Variants in WDR75 observed in about 807,000 individuals in gnomAD.
WDR75 encodes the protein WD repeat domain 75, also known as WD repeat-containing protein 75.
Under a neutral mutation model 106.1 loss-of-function variants are expected in WDR75, and 52 were observed. The observed-to-expected ratio is 0.49, with a 90% CI of 0.39 to 0.62. WDR75 has a LOEUF of 0.62. Among genes scored for constraint, WDR75 ranks in the 20% least tolerant of loss-of-function variants. WDR75 has a pLI of 0.00. For synonymous variants in WDR75, 333 were observed against 335.5 expected, an observed-to-expected ratio of 0.99 and a Z score of 0.08; for missense variants, 905 against 970.3, an observed-to-expected ratio of 0.93 and a Z score of 0.89.
intron 2 of WDR75, chr2:189,449,464 G>A (rs1266388861): frequency 4.5e-6 from 5 of 1,120,924 alleles, no homozygotes. Context: ...TGTAGTGTTT[G>A]AATGTTTTTA....
chr2:189,469,332 T>G lies in WDR75; in HGVS notation c.1724-12T>G, dbSNP rs1687070168. On this transcript the variant is annotated splice_polypyrimidine_tract_variant and intron_variant, in intron 15 of 20. Coordinates refer to ENST00000314761, the MANE Select transcript of WDR75 (RefSeq NM_032168.3). ...TTCCTTAGAAGTGAATCACCTTTGT[T>G]TTTCCCCTCAGTGGAGTGGAATGCA... 3 of 1,598,758 alleles carry G rather than the reference T, an allele frequency of 1.9e-6. No homozygotes were observed. Among genetic ancestry groups the G allele is most frequent in the African/African-American group, 1.3e-5 (1 of 74,692 alleles).
intron 2 of WDR75, chr2:189,449,618 C>G: frequency 9.6e-7 from 1 of 1,041,434 alleles, no homozygotes; most frequent in Non-Finnish European, 1.2e-6. Context: ...GCAGTTTTAT[C>G]AGATTTGGTT....
In WDR75 at chr2:189,448,517, C is replaced by T. The variant is rs772613163; in HGVS notation, c.216+9C>T. ...CCAACAACCATCTACAGGTGTCAAA[C>T]AGTTTATAGCTGAATACTTTAAGAC... is the stretch of plus-strand genomic sequence containing the variant. On this transcript the variant is annotated intron_variant, in intron 2 of 20. Transcript: ENST00000314761. The T allele has an allele frequency of 3.1e-6, 5 of 1,611,736 alleles. No individual in the cohort carries two copies. The highest frequency in any genetic ancestry group is 1.7e-5 in the Admixed American group (1 of 59,506).
At chr2:189,446,320 C>A (rs1345008143) in intron 1 of WDR75, among the ~76,000 whole-genome samples, 1 of 152,124 alleles carries the variant, frequency 6.6e-6, no homozygotes, top group Non-Finnish European at 1.5e-5. Flanking sequence ...GTGAAAGCTG[C>A]ATTGAAGGAC....
chr2:189,445,649 A>G (rs1181124149), intron 1 of WDR75, among the ~76,000 whole-genome samples: 3 of 152,204 alleles, frequency 2.0e-5, no homozygotes, highest in African/African-American at 7.2e-5. Context: ...AGCTCCAAAT[A>G]AATTATGTAG....
At chr2:189,467,769 C>A in intron 14 of WDR75, 121 bp downstream of exon 14, 2 of 949,236 alleles carry the variant, frequency 2.1e-6, no homozygotes, top group Non-Finnish European at 2.9e-6. Flanking sequence ...GGGCAAGCAG[C>A]TAATCAAAAT....
chr2:189,471,236 T>A (rs559686529), intron 18 of WDR75, among the ~76,000 whole-genome samples: 238 of 152,292 alleles, frequency 1.6e-3, no homozygotes, highest in Non-Finnish European at 2.5e-3. Context: ...AATGTTTATA[T>A]TTCTAATTAT....
chr2:189,445,411 G>A (rs899080097), intron 1 of WDR75, among the ~76,000 whole-genome samples: 24 of 152,148 alleles, frequency 1.6e-4, no homozygotes, highest in African/African-American at 4.3e-4. Context: ...GCCCACCGTC[G>A]TGTAGAAGCA....
chr2:189,464,227 C>T, intron 11 of WDR75: 1 of 394,298 alleles, frequency 2.5e-6, no homozygotes, highest in Non-Finnish European at 4.5e-6. Flanking sequence ...CTATCCCATA[C>T]ATCTGTGCTT....
At chr2:189,472,087 G>A (rs74603826) in intron 18 of WDR75, among the ~76,000 whole-genome samples, 5,405 of 151,990 alleles carry the variant, frequency 0.036, 112 homozygotes, top group Admixed American at 0.05. Flanking sequence ...TTTACTGTAC[G>A]CCAGGGACCA....
rs1215411565 is a variant in WDR75 at position 189,470,082 on chromosome 2, T to G, written c.1826T>G (p.Val609Gly). ...SQSSVGSDLF[V>G]FKPSEPRPLY... ...CTTTGTTTTTTCCCTCTAGTGTTTG[T>G]ATTTAAACCTAGTGAGCCAAGGCCA... Residue 609 changes from valine to glycine, a missense_variant, in exon 17 of 21, where the codon GTA becomes GGA. Physicochemically the swap from Val to Gly is moderately radical, Grantham distance 109. Coordinates refer to ENST00000314761, the MANE Select transcript of WDR75 (RefSeq NM_032168.3). The G allele has an allele frequency of 4.3e-6, 7 of 1,611,336 alleles. No homozygotes were observed. Among genetic ancestry groups the G allele is most frequent in the Non-Finnish European group, 5.9e-6 (7 of 1,178,822 alleles).
At chr2:189,456,061 A>G (rs759279833) in intron 5 of WDR75, among the ~76,000 whole-genome samples, 4 of 152,218 alleles carry the variant, frequency 2.6e-5, no homozygotes, top group Non-Finnish European at 5.9e-5. Flanking sequence ...CTGTAGCGGC[A>G]TGCTTCTTTA....
intron 2 of WDR75, chr2:189,450,599 C>T: frequency 8.7e-7 from 1 of 1,143,280 alleles, no homozygotes; most frequent in Non-Finnish European, 1.1e-6. Flanking sequence ...TTACAGGTGG[C>T]AGCCACTGCA....
At chr2:189,452,077 G>C (rs1686633974) in intron 4 of WDR75, 182 bp downstream of exon 4, 5 of 533,756 alleles carry the variant, frequency 9.4e-6, no homozygotes. Flanking sequence ...AATATGCAGT[G>C]AGGGAGGGAT....
At chr2:189,466,689 A>T (rs1687008268) in intron 13 of WDR75, 107 bp downstream of exon 13, 2 of 1,106,910 alleles carry the variant, frequency 1.8e-6, no homozygotes, top group African/African-American at 3.2e-5. Flanking sequence ...ACTTTATTGA[A>T]TTCTACAGGA....
intron 1 of WDR75, among the ~76,000 whole-genome samples, chr2:189,445,392 T>A (rs2106110167): frequency 6.6e-6 from 1 of 152,314 alleles, no homozygotes; most frequent in South Asian, 2.1e-4. Flanking sequence ...AGTTCTGTGA[T>A]GGAGCTAAGC....
intron 18 of WDR75, among the ~76,000 whole-genome samples, chr2:189,471,853 T>G (rs1687125401): frequency 6.6e-6 from 1 of 152,218 alleles, no homozygotes; most frequent in African/African-American, 2.4e-5. Context: ...ATTTAAGACC[T>G]TGCATGTTTG....
At chr2:189,454,695 G>C (rs929712706) in intron 4 of WDR75, among the ~76,000 whole-genome samples, 23 of 151,662 alleles carry the variant, frequency 1.5e-4, no homozygotes, top group Admixed American at 1.0e-3. Context: ...CTAATTTTTT[G>C]TATTTTTTTA....
At chr2:189,447,680 C>T (rs1334465259) in intron 1 of WDR75, among the ~76,000 whole-genome samples, 2 of 152,142 alleles carry the variant, frequency 1.3e-5, no homozygotes, top group Non-Finnish European at 2.9e-5. Flanking sequence ...ATGATATTGG[C>T]ATCATTAATC....
Sources: gnomAD v4.1 joint callset for allele counts (sites outside exome capture counted in the v4.1 genomes callset) on GRCh38, gnomAD v4.1.1 for gene constraint, MANE v1.5 for transcripts, NCBI Gene and HGNC (gene_info 2026-07-23, HGNC 2026-07-21) for gene names.